Variants in CRHR1 observed in about 807,000 individuals in gnomAD.
CRHR1 encodes the protein corticotropin releasing hormone receptor 1.
A neutral mutation model predicts 56.0 loss-of-function variants in CRHR1; 28 were observed. The observed-to-expected ratio is 0.50, with a 90% CI of 0.37 to 0.69. CRHR1 has a LOEUF of 0.69. Ranked by LOEUF, CRHR1 falls within the 30% of genes least tolerant of loss-of-function variation. The pLI, the probability that CRHR1 is intolerant of heterozygous loss-of-function variation, is 0.00. For missense variants in CRHR1, 376 were observed against 548.0 expected (o/e 0.69, Z 3.13); for synonymous variants, 195 against 216.5 (o/e 0.90, Z 0.87).
At chr17:45,815,363 CCT>C (rs761608410) in intron 2 of CRHR1, among the ~76,000 whole-genome samples, 1 of 152,196 alleles carries the variant, frequency 6.6e-6, no homozygotes, top group Non-Finnish European at 1.5e-5. Flanking sequence ...CCATATCCAC[CCT>C]CCCCTCCTGA....
chr17:45,833,166 T>C lies in CRHR1; in HGVS notation c.799T>C (p.Tyr267His), dbSNP rs779320726. 6.2e-7 allele frequency: 1 copy of C among 1,613,994 alleles called. No homozygotes were observed. The highest frequency in any genetic ancestry group is 8.5e-7 in the Non-Finnish European group (1 of 1,180,016). Residue 267 changes from tyrosine to histidine, a missense_variant, in exon 9 of 13, where the codon TAC (tyrosine) becomes CAC (histidine). This residue lies in a region of CRHR1 where 369 missense variants were observed against 519.5 expected (regional missense o/e 0.71). Coordinates refer to ENST00000314537, the MANE Select transcript of CRHR1 (RefSeq NM_004382.5). ...KCWFGKRPGV[Y>H]TDYIYQGPMI... ...CTGGTTTGGCAAAAGGCCTGGGGTG[T>C]ACACCGACTACATCTACCAGGGCCC...
At chr17:45,793,234 C>A (rs1206048603) in intron 1 of CRHR1, among the ~76,000 whole-genome samples, 1 of 152,266 alleles carries the variant, frequency 6.6e-6, no homozygotes, top group African/African-American at 2.4e-5. Context: ...CTCCGGTCCC[C>A]ATAGCACTGG....
At chr17:45,830,235 G>C in intron 6 of CRHR1, 21 bp downstream of exon 6, 2 of 1,613,134 alleles carry the variant, frequency 1.2e-6, no homozygotes, top group Non-Finnish European at 1.7e-6. Flanking sequence ...GCAGGGGAGC[G>C]GGGAGCAGGT....
chr17:45,795,676 G>T (rs1030056244), intron 1 of CRHR1, among the ~76,000 whole-genome samples: 1 of 152,130 alleles, frequency 6.6e-6, no homozygotes, highest in Non-Finnish European at 1.5e-5. Context: ...AAAACATAAG[G>T]GTCCCTGGGC....
chr17:45,786,679 G>T (rs969518180), intron 1 of CRHR1, among the ~76,000 whole-genome samples: 2 of 131,008 alleles, frequency 1.5e-5, no homozygotes, highest in Admixed American at 1.8e-4. Context: ...CCACTCTGTC[G>T]CCCAGGTTGG....
At chr17:45,803,757 C>CGTGTGTGTGTGTGTGT (rs553066030) in intron 1 of CRHR1, among the ~76,000 whole-genome samples, 81 of 129,548 alleles carry the variant, frequency 6.3e-4, no homozygotes, top group African/African-American at 2.0e-3. Context: ...AGAGAGAGTG[C>CGTGTGTGTGTGTGTGT]GTGTGTGTGT....
chr17:45,819,232 G>A (rs1004424290), intron 3 of CRHR1, among the ~76,000 whole-genome samples: 1 of 152,218 alleles, frequency 6.6e-6, no homozygotes, highest in African/African-American at 2.4e-5. Flanking sequence ...AGCACCTTGT[G>A]CATGTTAACT....
At chr17:45,833,693 T>TGGGGGCGCCCCCCC in intron 10 of CRHR1, 21 bp from the exon 11 acceptor site, 1 of 1,571,616 alleles carries the variant, frequency 6.4e-7, no homozygotes, top group Non-Finnish European at 8.7e-7. Context: ...ACTCCGAGCC[T>TGGGGGCGCCCCCCC]CCCCACCCGC....
chr17:45,830,075 A>G lies in CRHR1; in HGVS notation c.435-19A>G. On this transcript the variant is annotated intron_variant, in intron 5 of 12. Transcript: ENST00000314537. Reference sequence around the variant, plus strand: ...CTCTCTCCTATCGCTCCCATCATCCACCCGCCCTGCTGCACCAGGAGCATC... The same window carrying G: ...CTCTCTCCTATCGCTCCCATCATCCGCCCGCCCTGCTGCACCAGGAGCATC... The G allele has an allele frequency of 6.2e-7, 1 of 1,613,398 alleles. No individual in the cohort carries two copies. The highest frequency in any genetic ancestry group is 8.5e-7 in the Non-Finnish European group (1 of 1,179,834).
In CRHR1 at chr17:45,834,916, C is replaced by T. The variant is rs28364021; in HGVS notation, c.*152C>T. On this transcript the variant is annotated 3_prime_UTR_variant, in exon 13 of 13. Transcript: ENST00000314537. ...ACTGACAGCCTGGGGGGGCCGCTCT[C>T]CCCCTGCAGCCGTGCAGGACTCTAG... is the stretch of plus-strand genomic sequence containing the variant. 0.18 allele frequency: 181,950 copies of T among 1,036,448 alleles called. 18,748 individuals carry two copies. The highest frequency in any genetic ancestry group is 0.21 in the Non-Finnish European group (151,335 of 716,706). 64.2% of individuals were successfully genotyped at this position (1,036,448 alleles called of 1,614,324 possible). A position where few individuals can be genotyped will look rare whatever the true frequency, so the allele number is the denominator to read the frequency against.
At chr17:45,788,087 A>G (rs1435949058) in intron 1 of CRHR1, among the ~76,000 whole-genome samples, 1 of 152,262 alleles carries the variant, frequency 6.6e-6, no homozygotes, top group Non-Finnish European at 1.5e-5. Flanking sequence ...CCTCAAAAGC[A>G]TCAACCTCCA....
Position 45,835,278 on chromosome 17 carries a change from C to A in CRHR1, c.*514C>A. On this transcript the variant is annotated 3_prime_UTR_variant, in exon 13 of 13. Coordinates refer to ENST00000314537, the MANE Select transcript of CRHR1 (RefSeq NM_004382.5). ...GGAACCAAGGGCCCTCACTCAGGAACCCTGGAGACAGAAGTCAGGTGTCAT... is the reference window on the plus strand; with the variant it reads ...GGAACCAAGGGCCCTCACTCAGGAAACCTGGAGACAGAAGTCAGGTGTCAT... 6.4e-6 allele frequency: 1 copy of A among 157,468 alleles called. No individual in the cohort carries two copies. Among genetic ancestry groups the A allele is most frequent in the South Asian group, 2.0e-4 (1 of 5,088 alleles). 9.8% of individuals were successfully genotyped at this position (157,468 alleles called of 1,614,324 possible).
At chr17:45,824,226 G>A (rs1481653823) in intron 4 of CRHR1, among the ~76,000 whole-genome samples, 3 of 152,174 alleles carry the variant, frequency 2.0e-5, no homozygotes, top group Admixed American at 6.5e-5. Context: ...TAGAGGAGGT[G>A]GGAGGAAAGG....
chr17:45,819,228 T>C (rs560461044), intron 3 of CRHR1, among the ~76,000 whole-genome samples: 1 of 152,322 alleles, frequency 6.6e-6, no homozygotes, highest in Admixed American at 6.5e-5. Flanking sequence ...TCCAAGCACC[T>C]TGTGCATGTT....
At position 45,835,146 on chromosome 17, in the gene CRHR1, C is replaced by T. The variant is rs1417514115; in HGVS notation, c.*382C>T. The T allele has an allele frequency of 3.6e-5, 8 of 222,768 alleles. No individual in the cohort carries two copies. The highest frequency in any genetic ancestry group is 1.3e-4 in the South Asian group (1 of 7,508). 13.8% of individuals were successfully genotyped at this position (222,768 alleles called of 1,614,324 possible). A position where few individuals can be genotyped will look rare whatever the true frequency, so the allele number is the denominator to read the frequency against. ...GGGCCCTGGGGCTGCCCTCGGCAAC[C>T]GTGGGGAGGCCATTTGCTGCCCTGG... On this transcript the variant is annotated 3_prime_UTR_variant, in exon 13 of 13. Transcript: ENST00000314537.
At chr17:45,803,428 C>T (rs776018501) in intron 1 of CRHR1, among the ~76,000 whole-genome samples, 4 of 151,926 alleles carry the variant, frequency 2.6e-5, no homozygotes, top group Non-Finnish European at 5.9e-5. Flanking sequence ...GCTCTGTTGC[C>T]CAGGCTGGAG....
intron 1 of CRHR1, among the ~76,000 whole-genome samples, chr17:45,796,430 G>C (rs1358566494): frequency 6.6e-6 from 1 of 152,218 alleles, no homozygotes; most frequent in East Asian, 1.9e-4. Flanking sequence ...CTGCAGCCAG[G>C]AGCCAGAGTT....
At chr17:45,809,430 T>C (rs936110250) in intron 2 of CRHR1, among the ~76,000 whole-genome samples, 5 of 152,210 alleles carry the variant, frequency 3.3e-5, no homozygotes, top group African/African-American at 1.2e-4. Flanking sequence ...TTGTTCGTTA[T>C]GCTCAGGAGG....
At chr17:45,804,496 A>G (rs1353710672) in intron 1 of CRHR1, among the ~76,000 whole-genome samples, 1 of 152,044 alleles carries the variant, frequency 6.6e-6, no homozygotes, top group East Asian at 1.9e-4. Context: ...TGCCTTCATC[A>G]TCGGGACAGG....
Sources: gnomAD v4.1 joint callset for allele counts (sites outside exome capture counted in the v4.1 genomes callset) on GRCh38, gnomAD v4.1.1 for gene constraint, gnomAD v4.1.1 regional missense constraint, MANE v1.5 for transcripts, NCBI Gene and HGNC (gene_info 2026-07-23, HGNC 2026-07-21) for gene names.